Variants in GLIS3 observed in about 807,000 individuals in gnomAD.
The protein encoded by GLIS3 is zinc finger protein GLIS3.
In GLIS3, 53 loss-of-function variants were observed where a neutral mutation model predicts 78.6. The ratio of observed to expected loss-of-function variants is 0.67; its 90% CI spans 0.54 to 0.85. The LOEUF (loss-of-function observed/expected upper bound fraction) is 0.85. Among genes scored for constraint, GLIS3 ranks in the 40% least tolerant of loss-of-function variants. The probability of loss-of-function intolerance (pLI) is 0.00; values close to 1 mark genes in which losing one functional copy is unlikely to be tolerated. For synonymous variants in GLIS3, 684 were observed against 509.9 expected (o/e 1.34, Z -4.60); for missense variants, 1,703 against 1,231.1 (o/e 1.38, Z -5.74).
chr9:4,105,116 G>C (rs926525506), intron 4 of GLIS3, among the ~76,000 whole-genome samples: 5 of 152,112 alleles, frequency 3.3e-5, no homozygotes, highest in African/African-American at 1.2e-4. Context: ...TCCTTATGAA[G>C]ACAATTTTAT....
chr9:3,911,346 G>A (rs566031137), intron 6 of GLIS3, among the ~76,000 whole-genome samples: 17 of 152,278 alleles, frequency 1.1e-4, no homozygotes, highest in Non-Finnish European at 2.1e-4. Context: ...TTTATCCTGG[G>A]AGGCTACCTT....
intron 7 of GLIS3, among the ~76,000 whole-genome samples, chr9:3,884,210 G>A (rs1376461946): frequency 6.6e-6 from 1 of 152,098 alleles, no homozygotes; most frequent in Admixed American, 6.6e-5. Context: ...GGGCACCCTT[G>A]GGGTTACTTC....
intron 7 of GLIS3, among the ~76,000 whole-genome samples, chr9:3,884,924 G>C (rs1029928523): frequency 6.6e-6 from 1 of 152,256 alleles, no homozygotes; most frequent in East Asian, 1.9e-4. Context: ...TGTTTGCAAA[G>C]GCTGCTTGTT....
the GLIS3 span, among the ~76,000 whole-genome samples, chr9:4,409,529 T>G: frequency 3.9e-5 from 6 of 152,186 alleles, no homozygotes; most frequent in African/African-American, 1.4e-4. Context: ...CATTATCAGA[T>G]GAACACGCTT....
chr9:4,337,857 G>T (rs991116654), intron 2 of GLIS3, among the ~76,000 whole-genome samples: 1 of 151,924 alleles, frequency 6.6e-6, no homozygotes, highest in African/African-American at 2.4e-5. Flanking sequence ...ACTCTATGAG[G>T]CAACTATTAC....
chr9:3,999,195 T>G (rs1820957733), intron 4 of GLIS3, among the ~76,000 whole-genome samples: 1 of 152,184 alleles, frequency 6.6e-6, no homozygotes, highest in Non-Finnish European at 1.5e-5. Context: ...GTCGCAGATT[T>G]GAGTTTTCAA....
At chr9:4,033,639 T>C (rs1321570111) in intron 4 of GLIS3, among the ~76,000 whole-genome samples, 1 of 152,162 alleles carries the variant, frequency 6.6e-6, no homozygotes, top group African/African-American at 2.4e-5. Context: ...GGCTCCACCC[T>C]GGACCTATTC....
chr9:4,456,507 C>T, the GLIS3 span, among the ~76,000 whole-genome samples: 1 of 152,200 alleles, frequency 6.6e-6, no homozygotes, highest in Non-Finnish European at 1.5e-5. Context: ...GGCTATTCTG[C>T]TTTCTTATCA....
chr9:4,000,560 A>T (rs1354331005), intron 4 of GLIS3, among the ~76,000 whole-genome samples: 1 of 152,098 alleles, frequency 6.6e-6, no homozygotes, highest in Non-Finnish European at 1.5e-5. Flanking sequence ...AGGGTAGAAA[A>T]TATCTACACC....
intron 4 of GLIS3, chr9:4,034,658 T>C (rs946325798): frequency 1.3e-5 from 2 of 152,218 alleles, no homozygotes; most frequent in African/African-American, 2.4e-5. Context: ...AAGAAATTGT[T>C]TGGGGAGCCA....
intron 4 of GLIS3, among the ~76,000 whole-genome samples, chr9:4,029,532 G>A (rs1462187058): frequency 6.6e-6 from 1 of 152,120 alleles, no homozygotes; most frequent in African/African-American, 2.4e-5. Context: ...CCATTGAATA[G>A]TAGGTCTTAT....
At chr9:4,169,604 G>C (rs1344178097) in intron 2 of GLIS3, among the ~76,000 whole-genome samples, 2 of 152,190 alleles carry the variant, frequency 1.3e-5, no homozygotes, top group African/African-American at 4.8e-5. Flanking sequence ...TTAGTTTCCT[G>C]ATTTTCACAG....
At position 4,118,206 on chromosome 9, in the gene GLIS3, C is replaced by T. The variant is rs764287243; in HGVS notation, c.1272G>A (p.Ser424=). 41 of 1,585,816 alleles carry T rather than the reference C, an allele frequency of 2.6e-5. No homozygotes were observed. Among genetic ancestry groups the T allele is most frequent in the Non-Finnish European group, 3.5e-5 (41 of 1,165,738 alleles). The change falls in exon 4 of 11, where the codon TCG becomes TCA. Residue 424 remains serine (S), a synonymous_variant. Coordinates refer to ENST00000381971, the MANE Select transcript of GLIS3 (RefSeq NM_001042413.2). The surrounding 1 kb of genome is among the most constrained non-coding windows in gnomAD (Gnocchi z 4.7). ...GGCGTTCGGTCTTGAACAGGCCGGC[C>T]GACTGGCTGTCGGGGCCCGGCAGGC... ...QHGLPGPDSQ[S]AGLFKTERLE...
At chr9:3,991,609 C>G (rs1446640414) in intron 4 of GLIS3, among the ~76,000 whole-genome samples, 1 of 150,262 alleles carries the variant, frequency 6.7e-6, no homozygotes, top group Non-Finnish European at 1.5e-5. Flanking sequence ...ATTATACTTT[C>G]ATATTTTAAC....
chr9:4,245,139 C>T (rs973679158), intron 2 of GLIS3, among the ~76,000 whole-genome samples: 1 of 152,050 alleles, frequency 6.6e-6, no homozygotes, highest in African/African-American at 2.4e-5. Context: ...TTATGACGTC[C>T]CACTTGAACC....
intron 2 of GLIS3, chr9:4,152,037 A>G: frequency 2.0e-6 from 1 of 504,640 alleles, no homozygotes; most frequent in Non-Finnish European, 2.6e-6. Context: ...AAAAACCAGA[A>G]CCTCAAACCC....
intron 4 of GLIS3, among the ~76,000 whole-genome samples, chr9:4,052,884 T>C (rs1030011902): frequency 1.3e-5 from 2 of 152,204 alleles, no homozygotes; most frequent in Admixed American, 6.5e-5. Flanking sequence ...GTTTAACCTA[T>C]GGAGGAACTG....
the GLIS3 span, among the ~76,000 whole-genome samples, chr9:4,434,657 T>C: frequency 6.6e-6 from 1 of 152,178 alleles, no homozygotes; most frequent in Non-Finnish European, 1.5e-5. Context: ...GTGTGTATTT[T>C]CCAAGACTCC....
At chr9:4,169,932 C>T (rs1294129930) in intron 2 of GLIS3, among the ~76,000 whole-genome samples, 3 of 152,106 alleles carry the variant, frequency 2.0e-5, no homozygotes, top group East Asian at 1.9e-4. Flanking sequence ...GACCAAATGT[C>T]GCTTCAATTT....
Sources: gnomAD v4.1 joint callset for allele counts (sites outside exome capture counted in the v4.1 genomes callset) on GRCh38, gnomAD v4.1.1 for gene constraint, Gnocchi (gnomAD v3.1) non-coding constraint, MANE v1.5 for transcripts, NCBI Gene and HGNC (gene_info 2026-07-23, HGNC 2026-07-21) for gene names.